The following AKAP6 variants were observed in gnomAD, a reference collection of about 807,000 sequenced individuals.
AKAP6 encodes A-kinase anchoring protein 6.
A neutral mutation model predicts 188.5 loss-of-function variants in AKAP6; 58 were observed. That is an observed-to-expected ratio of 0.31 (90% CI 0.25 to 0.38). The LOEUF is 0.38. AKAP6 is among the 10% of genes least tolerant of loss of function. AKAP6 has a pLI of 1.00. For missense variants in AKAP6, 2,710 were observed against 2,740.0 expected (o/e 0.99, Z 0.24); for synonymous variants, 989 against 998.6 (o/e 0.99, Z 0.18).
intron 10 of AKAP6, 94 bp downstream of exon 10, chr14:32,732,694 T>C: frequency 2.2e-6 from 3 of 1,390,428 alleles, no homozygotes; most frequent in Non-Finnish European, 3.0e-6. Flanking sequence ...CACAAATATC[T>C]CTCTCTTTCA....
chr14:32,614,260 A>G (rs1886465688), intron 7 of AKAP6, among the ~76,000 whole-genome samples: 1 of 152,146 alleles, frequency 6.6e-6, no homozygotes, highest in Admixed American at 6.5e-5. Flanking sequence ...ATCTTTTATC[A>G]TTATCTACAG....
chr14:32,346,814 T>C (rs1033230456), intron 1 of AKAP6, among the ~76,000 whole-genome samples: 2 of 152,188 alleles, frequency 1.3e-5, no homozygotes, highest in African/African-American at 2.4e-5. Context: ...AGCCAGAAAT[T>C]GAGAATTTCT....
chr14:32,499,100 T>C (rs531360282), intron 2 of AKAP6, among the ~76,000 whole-genome samples: 1 of 152,040 alleles, frequency 6.6e-6, no homozygotes, highest in East Asian at 1.9e-4. Flanking sequence ...CCTGGTACCA[T>C]GGAGGATATA....
intron 2 of AKAP6, among the ~76,000 whole-genome samples, chr14:32,506,907 T>A (rs1186855806): frequency 1.3e-5 from 2 of 152,166 alleles, no homozygotes; most frequent in Non-Finnish European, 2.9e-5. Flanking sequence ...TTATACACAT[T>A]CATACACACA....
At chr14:32,678,554 C>T in intron 8 of AKAP6, 95 bp downstream of exon 8, 2 of 1,430,500 alleles carry the variant, frequency 1.4e-6, no homozygotes, top group East Asian at 4.6e-5. Flanking sequence ...TCCTCTTTAG[C>T]AAACCGACAA....
chr14:32,368,875 A>G (rs1386380814), intron 1 of AKAP6, among the ~76,000 whole-genome samples: 1 of 146,538 alleles, frequency 6.8e-6, no homozygotes, highest in Non-Finnish European at 1.5e-5. Flanking sequence ...GATATTAAGA[A>G]GAAGAAAAAA....
chr14:32,485,921 TTTC>T (rs376078622), intron 2 of AKAP6, among the ~76,000 whole-genome samples: 1,954 of 152,252 alleles, frequency 0.013, 41 homozygotes, highest in African/African-American at 0.044. Context: ...TTGCCTAGGT[TTTC>T]TTCTTCTAGA....
chr14:32,624,884 C>T (rs879925179), intron 7 of AKAP6, among the ~76,000 whole-genome samples: 6 of 151,840 alleles, frequency 4.0e-5, no homozygotes, highest in South Asian at 2.1e-4. Flanking sequence ...ACATTCAAAT[C>T]GTGTAATTAA....
At chr14:32,721,198 G>A (rs1442544516) in intron 9 of AKAP6, among the ~76,000 whole-genome samples, 2 of 152,160 alleles carry the variant, frequency 1.3e-5, no homozygotes, top group Admixed American at 1.3e-4. Context: ...CGTCACTAAA[G>A]TGCATTGGAA....
At chr14:32,614,809 A>G (rs1172569165) in intron 7 of AKAP6, among the ~76,000 whole-genome samples, 8 of 152,056 alleles carry the variant, frequency 5.3e-5, no homozygotes, top group Admixed American at 5.2e-4. Context: ...CAGCTAATTG[A>G]TGCACTTCTG....
intron 11 of AKAP6, among the ~76,000 whole-genome samples, chr14:32,737,074 A>C (rs1423393744): frequency 6.6e-6 from 1 of 152,118 alleles, no homozygotes; most frequent in African/African-American, 2.4e-5. Flanking sequence ...TACTTGACCC[A>C]TCCTAACCTC....
chr14:32,530,537 A>C (rs1882364496), intron 2 of AKAP6, among the ~76,000 whole-genome samples: 1 of 152,140 alleles, frequency 6.6e-6, no homozygotes, highest in Non-Finnish European at 1.5e-5. Flanking sequence ...ATCCATGTAC[A>C]TTTGTAATTT....
rs572877214 is a variant in AKAP6 at position 32,433,069 on chromosome 14, C to T, written c.-34-391C>T. ...GAGTCAGCTCCCTGTAAGCAGCTCT[C>T]CCAGAATTTCAACACAACAATTCCA... On this transcript the variant is annotated intron_variant, in intron 1 of 13. Transcript: ENST00000280979. 8.8e-4 allele frequency: 152 copies of T among 173,156 alleles called. 2 individuals carry two copies. The highest frequency in any genetic ancestry group is 1.6e-3 in the Non-Finnish European group (129 of 79,482). The allele number at this position is 173,156 out of a possible 1,614,324, so 10.7% of individuals were successfully genotyped here. A position where few individuals can be genotyped will look rare whatever the true frequency, so the allele number is the denominator to read the frequency against.
At chr14:32,698,554 T>C (rs1192135191) in intron 9 of AKAP6, among the ~76,000 whole-genome samples, 1 of 152,158 alleles carries the variant, frequency 6.6e-6, no homozygotes, top group Non-Finnish European at 1.5e-5. Context: ...TTTTAGTTTG[T>C]GGGCCTGTCT....
chr14:32,531,908 C>T (rs1005132959), intron 2 of AKAP6, among the ~76,000 whole-genome samples: 1 of 152,194 alleles, frequency 6.6e-6, no homozygotes, highest in Non-Finnish European at 1.5e-5. Context: ...TACCCATGAT[C>T]AGTTTACCTA....
rs112150936 is a variant in AKAP6, at chr14:32,595,503, TTGTTTGTATTTTATTTTA to T, written c.2470-3902_2470-3885del. 6.8e-3 allele frequency among the ~76,000 whole-genome samples: 1,033 copies of T among 152,196 alleles called. 11 individuals carry two copies. The highest frequency in any genetic ancestry group is 0.023 in the African/African-American group (956 of 41,516). Reference sequence around the variant, plus strand: ...ATTATACAGAATATAAACTTCCATCTTGTTTGTATTTTATTTTATGTTAGAGACACAGTCTTGCTCTAT... The same window carrying T: ...ATTATACAGAATATAAACTTCCATCTTGTTAGAGACACAGTCTTGCTCTAT... On this transcript the variant is annotated intron_variant, in intron 5 of 13. Coordinates refer to ENST00000280979, the MANE Select transcript of AKAP6 (RefSeq NM_004274.5).
At chr14:32,649,195 A>T (rs1484643481) in intron 7 of AKAP6, among the ~76,000 whole-genome samples, 2 of 152,050 alleles carry the variant, frequency 1.3e-5, no homozygotes, top group East Asian at 3.9e-4. Context: ...GGTAATCAAT[A>T]TTTCTAGCAT....
At chr14:32,813,443 G>C (rs924464775) in intron 12 of AKAP6, among the ~76,000 whole-genome samples, 1 of 119,324 alleles carries the variant, frequency 8.4e-6, no homozygotes, top group Non-Finnish European at 1.6e-5. Context: ...GAAAGTTCCA[G>C]CCCTCTAATC....
intron 7 of AKAP6, among the ~76,000 whole-genome samples, chr14:32,655,382 A>G (rs527246657): frequency 1.3e-5 from 2 of 152,308 alleles, no homozygotes; most frequent in East Asian, 3.9e-4. Flanking sequence ...TGAACAATTT[A>G]TTATTGAATC....
Sources: allele counts gnomAD v4.1 joint callset (sites outside exome capture counted in the v4.1 genomes callset), GRCh38; gene constraint gnomAD v4.1.1; transcripts MANE v1.5; gene names NCBI Gene and HGNC (gene_info 2026-07-23, HGNC 2026-07-21).